The following NLRP11 variants were observed in gnomAD, a reference collection of about 807,000 sequenced individuals.
The protein encoded by NLRP11 is NLR family pyrin domain containing 11, also known as NACHT, LRR and PYD domains-containing protein 11.
A neutral mutation model predicts 79.3 loss-of-function variants in NLRP11; 53 were observed. The ratio of observed to expected loss-of-function variants is 0.67; its 90% CI spans 0.54 to 0.84. NLRP11 has a LOEUF of 0.84. NLRP11 is among the 40% of genes least tolerant of loss of function. NLRP11 has a pLI of 0.00. For missense variants in NLRP11, 1,264 were observed against 1,255.0 expected (o/e 1.01, Z -0.11); for synonymous variants, 518 against 462.6 (o/e 1.12, Z -1.54).
chr19:55,802,020 A>G (rs888156796), intron 4 of NLRP11, among the ~76,000 whole-genome samples: 4 of 152,136 alleles, frequency 2.6e-5, no homozygotes, highest in African/African-American at 9.7e-5. Flanking sequence ...ATACATCCAC[A>G]TGCACAAAGA....
rs749136672 is a variant in NLRP11, at chr19:55,809,003, G to A, written c.1607C>T (p.Pro536Leu). The change falls in exon 3 of 10, where the codon CCG (proline) becomes CTG (leucine). Residue 536 changes from proline to leucine, a missense_variant. By Grantham distance (98) the Pro-to-Leu change is moderately conservative. Transcript: ENST00000589093. The surrounding 1 kb of genome is among the most constrained non-coding windows in gnomAD (Gnocchi z 4.5). ...AGGCATATGGTGCGTCAACTTTTCC[G>A]GGTCACGGTCCAAATGTTTCATGTA... 6 of 1,613,870 alleles carry A rather than the reference G, an allele frequency of 3.7e-6. No individual in the cohort carries two copies. The highest frequency in any genetic ancestry group is 2.2e-5 in the South Asian group (2 of 91,074).
intron 1 of NLRP11, among the ~76,000 whole-genome samples, chr19:55,831,408 A>G (rs920899298): frequency 1.3e-5 from 2 of 151,768 alleles, no homozygotes; most frequent in African/African-American, 2.4e-5. Context: ...CTAAAAATAC[A>G]AAAATTAGCT....
chr19:55,835,425 G>C (rs936283615), upstream of NLRP11, among the ~76,000 whole-genome samples: 1 of 152,284 alleles, frequency 6.6e-6, no homozygotes, highest in African/African-American at 2.4e-5. Context: ...TGCAGGCCAG[G>C]CACAGTGGCT....
intron 1 of NLRP11, among the ~76,000 whole-genome samples, chr19:55,823,870 C>G (rs1348422414): frequency 7.0e-6 from 1 of 143,646 alleles, no homozygotes; most frequent in East Asian, 2.1e-4. Flanking sequence ...CTTCCCCAAT[C>G]TAGCAAGGCA....
At chr19:55,807,748 C>A in intron 4 of NLRP11, 105 bp downstream of exon 4, 4 of 731,630 alleles carry the variant, frequency 5.5e-6, no homozygotes, top group Non-Finnish European at 8.9e-6. Context: ...CCCTGATGAG[C>A]CTGACCTGAA....
intron 2 of NLRP11, among the ~76,000 whole-genome samples, chr19:55,812,123 T>A (rs59984596): frequency 1.3e-5 from 2 of 151,238 alleles, no homozygotes; most frequent in African/African-American, 4.9e-5. Flanking sequence ...AAAGTAAAAT[T>A]AAAAAAAAAT....
Position 55,815,528 on chromosome 19 carries a change from C to CAAAAA in NLRP11, c.271+2371_271+2375dup, listed in dbSNP as rs11343133. ...TGGACAATGGAACAAGACTCCATCT[C>CAAAAA]AAAAAAAAAAAAAAAAAGAATTTAG... On this transcript the variant is annotated intron_variant, in intron 2 of 9. Coordinates refer to ENST00000589093, the Ensembl canonical transcript of NLRP11. Among the ~76,000 whole-genome samples the CAAAAA allele has an allele frequency of 5.2e-3, 480 of 92,774 alleles. 4 individuals are homozygous for CAAAAA. In the East Asian group the frequency reaches 0.061, roughly 12 times the overall value. The allele number at this position is 92,774 out of a possible 152,430, so 60.9% of individuals were successfully genotyped here.
chr19:55,807,142 T>C (rs1980076928), intron 4 of NLRP11, among the ~76,000 whole-genome samples: 2 of 152,286 alleles, frequency 1.3e-5, no homozygotes, highest in African/African-American at 4.8e-5. Flanking sequence ...CATTGATATA[T>C]CCTAGTGCTT....
At chr19:55,807,427 C>A (rs1980104796) in intron 4 of NLRP11, among the ~76,000 whole-genome samples, 1 of 152,076 alleles carries the variant, frequency 6.6e-6, no homozygotes, top group South Asian at 2.1e-4. Context: ...TAGGATAAAC[C>A]CACTTGTTAC....
At chr19:55,821,065 T>A (rs1224934050) in intron 1 of NLRP11, among the ~76,000 whole-genome samples, 1 of 152,130 alleles carries the variant, frequency 6.6e-6, no homozygotes, top group African/African-American at 2.4e-5. Flanking sequence ...ATGCTGAAGC[T>A]TTGCTGTCCT....
At chr19:55,834,936 G>A (rs1482068292), upstream of NLRP11, among the ~76,000 whole-genome samples, 4 of 152,030 alleles carry the variant, frequency 2.6e-5, no homozygotes, top group African/African-American at 9.7e-5. Context: ...AAAATAAAAA[G>A]AAAATCGAAG....
rs145083004 is a variant in NLRP11, at chr19:55,800,580, G to A, written c.2171+992C>T. Reference sequence around the variant, plus strand: ...ATCCACATCCTCTGCCTCCCAAAGCGCTGGGATTATAGGCATGAGCTACCA... The same window carrying A: ...ATCCACATCCTCTGCCTCCCAAAGCACTGGGATTATAGGCATGAGCTACCA... On this transcript the variant is annotated intron_variant, in intron 5 of 9. Coordinates refer to ENST00000589093, the Ensembl canonical transcript of NLRP11. 9.6e-3 allele frequency among the ~76,000 whole-genome samples: 1,465 copies of A among 152,204 alleles called. 14 individuals are homozygous for A. Among genetic ancestry groups the A allele is most frequent in the Non-Finnish European group, 0.016 (1,064 of 68,022 alleles).
Position 55,809,485 on chromosome 19 carries a change from A to G in NLRP11, c.1125T>C (p.Ala375=), listed in dbSNP as rs1281712774. Reference sequence around the variant, plus strand: ...GTCCAGCCTCTGATGTCAACGCATCAGCAAGAAAGTGGGCATGTAGATCAG... The same window carrying G: ...GTCCAGCCTCTGATGTCAACGCATCGGCAAGAAAGTGGGCATGTAGATCAG... Residue 375 remains alanine (A), a synonymous_variant, in exon 3 of 10, where the codon GCT becomes GCC. Transcript: ENST00000589093. This position sits in a 1 kb window ranked among gnomAD's most constrained non-coding sequence, Gnocchi z 4.5. 1 of 1,614,208 alleles carries G rather than the reference A, an allele frequency of 6.2e-7. No individual in the cohort carries two copies. Among genetic ancestry groups the G allele is most frequent in the South Asian group, 1.1e-5 (1 of 91,086 alleles).
At chr19:55,791,680 C>G (rs1000415755) in intron 7 of NLRP11, among the ~76,000 whole-genome samples, 3 of 151,752 alleles carry the variant, frequency 2.0e-5, no homozygotes. Flanking sequence ...ATTTTTTTTT[C>G]AGGCAAGTGG....
chr19:55,809,282 TTA>T lies in NLRP11; in HGVS notation c.1326_1327del (p.His442GlnfsTer37). ...CAAGTGTATGAACTTGTAACGGTCTTTATGAGTGTTGCTCGGCAAAAGAATAT... is the reference window on the plus strand; with the variant it reads ...CAAGTGTATGAACTTGTAACGGTCTTTGAGTGTTGCTCGGCAAAAGAATAT... On this transcript the variant is annotated frameshift_variant, in exon 3 of 10. Transcript: ENST00000589093. LOFTEE classifies it high-confidence loss of function. This position sits in a 1 kb window ranked among gnomAD's most constrained non-coding sequence, Gnocchi z 4.5. The T allele has an allele frequency of 3.7e-6, 6 of 1,614,050 alleles. No homozygotes were observed. Among genetic ancestry groups the T allele is most frequent in the Non-Finnish European group, 5.1e-6 (6 of 1,179,934 alleles).
intron 4 of NLRP11, among the ~76,000 whole-genome samples, chr19:55,802,821 T>C (rs1450239686): frequency 2.0e-5 from 3 of 152,030 alleles, no homozygotes; most frequent in Non-Finnish European, 4.4e-5. Flanking sequence ...AACAGACACA[T>C]AGACCAACAG....
At chr19:55,830,419 G>T (rs1433256818) in intron 1 of NLRP11, among the ~76,000 whole-genome samples, 1 of 152,240 alleles carries the variant, frequency 6.6e-6, no homozygotes, top group South Asian at 2.1e-4. Flanking sequence ...AAACACTGTT[G>T]TATGAGCTTT....
At chr19:55,813,633 TA>T (rs1308888379) in intron 2 of NLRP11, among the ~76,000 whole-genome samples, 1 of 152,062 alleles carries the variant, frequency 6.6e-6, no homozygotes, top group Non-Finnish European at 1.5e-5. Context: ...TGGAGAGAAG[TA>T]AACAGAGCAG....
At chr19:55,796,241 T>C in exon 6 of NLRP11, 1 of 1,612,918 alleles carries the variant, frequency 6.2e-7, no homozygotes, top group Non-Finnish European at 8.5e-7. Context: ...GCAAATCACA[T>C]TTCATCAAGC....
Sources: gnomAD v4.1 joint callset for allele counts (sites outside exome capture counted in the v4.1 genomes callset) on GRCh38, gnomAD v4.1.1 for gene constraint, Gnocchi (gnomAD v3.1) non-coding constraint, MANE v1.5 for transcripts, NCBI Gene and HGNC (gene_info 2026-07-23, HGNC 2026-07-21) for gene names.